ZC3H7A: variants seen among roughly 807,000 people sequenced by gnomAD.
The protein encoded by ZC3H7A is zinc finger CCCH domain-containing protein 7A.
ZC3H7A carries 44 observed loss-of-function variants against 125.5 expected under a neutral mutation model. The ratio of observed to expected loss-of-function variants is 0.35; its 90% CI spans 0.28 to 0.45. ZC3H7A has a LOEUF of 0.45. ZC3H7A is among the 20% of genes least tolerant of loss of function. The pLI is 1.00. For missense variants in ZC3H7A, 977 were observed against 1,170.7 expected (o/e 0.83, Z 2.41); for synonymous variants, 399 against 391.2 (o/e 1.02, Z -0.23).
chr16:11,785,957 T>C (rs1006601632), intron 1 of ZC3H7A, among the ~76,000 whole-genome samples: 19 of 152,078 alleles, frequency 1.2e-4, no homozygotes, highest in African/African-American at 4.1e-4. Context: ...GGTATATATA[T>C]TGACATATGC....
Position 11,765,424 on chromosome 16 carries a change from C to A in ZC3H7A, c.1719+65G>T, listed in dbSNP as rs922974415. ...ACCAAGTGAATGTTTTATCACATGG[C>A]AGGACAATACCACTGGGCTTGCAAA... On this transcript the variant is annotated intron_variant, in intron 14 of 22. Transcript: ENST00000355758. This position sits in a 1 kb window ranked among gnomAD's most constrained non-coding sequence, Gnocchi z 4.8. The A allele has an allele frequency of 2.3e-5, 28 of 1,218,958 alleles. No individual in the cohort carries two copies. Among genetic ancestry groups the A allele is most frequent in the Non-Finnish European group, 3.2e-5 (28 of 871,238 alleles). 75.5% of individuals were successfully genotyped at this position (1,218,958 alleles called of 1,614,324 possible). A position where few individuals can be genotyped will look rare whatever the true frequency, so the allele number is the denominator to read the frequency against.
intron 15 of ZC3H7A, 51 bp from the exon 16 acceptor site, chr16:11,763,710 A>AATATATATATAT (rs55932357): frequency 3.6e-5 from 8 of 225,064 alleles, no homozygotes; most frequent in South Asian, 6.3e-5. Context: ...AGATTTTTCA[A>AATATATATATAT]ATATATATAT....
chr16:11,773,160 G>A (rs2053016863), intron 9 of ZC3H7A, among the ~76,000 whole-genome samples: 1 of 151,906 alleles, frequency 6.6e-6, no homozygotes, highest in Non-Finnish European at 1.5e-5. Context: ...TACGGACCCA[G>A]AAATTGGAAT....
chr16:11,778,145 A>G (rs2053113676), intron 4 of ZC3H7A, among the ~76,000 whole-genome samples: 1 of 150,820 alleles, frequency 6.6e-6, no homozygotes, highest in African/African-American at 2.4e-5. Flanking sequence ...TCTTGATTTA[A>G]AAAAACACTC....
chr16:11,781,512 G>T (rs370615804), intron 2 of ZC3H7A, 48 bp from the exon 3 acceptor site: 596 of 1,590,090 alleles, frequency 3.7e-4, no homozygotes, highest in Non-Finnish European at 4.7e-4. Flanking sequence ...TCCTTATCGG[G>T]ACCTGTTCAG....
chr16:11,790,343 T>C (rs1297774345), intron 1 of ZC3H7A, among the ~76,000 whole-genome samples: 1 of 152,228 alleles, frequency 6.6e-6, no homozygotes, highest in Non-Finnish European at 1.5e-5. Context: ...TTAAGAATCA[T>C]CTGTACTTCC....
chr16:11,757,483 CAAAAAAAAAA>C (rs61471026), intron 20 of ZC3H7A, among the ~76,000 whole-genome samples: 14 of 40,980 alleles, frequency 3.4e-4, no homozygotes, highest in Admixed American at 6.3e-4. Flanking sequence ...GACTCTGTCT[CAAAAAAAAAA>C]AAAAAAAAAA....
intron 9 of ZC3H7A, among the ~76,000 whole-genome samples, chr16:11,772,824 G>C (rs1178180565): frequency 6.6e-6 from 1 of 151,406 alleles, no homozygotes; most frequent in African/African-American, 2.4e-5. Flanking sequence ...AGCCACCCAA[G>C]TAGCTGCGAT....
intron 1 of ZC3H7A, among the ~76,000 whole-genome samples, chr16:11,787,840 G>A (rs2053282319): frequency 6.6e-6 from 1 of 151,960 alleles, no homozygotes; most frequent in Non-Finnish European, 1.5e-5. Flanking sequence ...CAGCTACTCG[G>A]AAGGCTGAGG....
At chr16:11,782,482 G>T in intron 1 of ZC3H7A, 94 bp from the exon 2 acceptor site, 1 of 1,020,946 alleles carries the variant, frequency 9.8e-7, no homozygotes, top group Non-Finnish European at 1.5e-6. Context: ...CACACAATCA[G>T]CTGTGGACAC....
intron 9 of ZC3H7A, among the ~76,000 whole-genome samples, chr16:11,773,230 G>A (rs552488957): frequency 6.6e-6 from 1 of 151,854 alleles, no homozygotes; most frequent in African/African-American, 2.4e-5. Flanking sequence ...GCCCAGGCTA[G>A]AGTGCATGGC....
chr16:11,764,191 T>C (rs1596383264), intron 15 of ZC3H7A, among the ~76,000 whole-genome samples: 1 of 151,180 alleles, frequency 6.6e-6, no homozygotes, highest in African/African-American at 2.4e-5. Flanking sequence ...GACGGGTGGA[T>C]CACCTGAGGT....
chr16:11,795,236 G>C (rs11864383), intron 1 of ZC3H7A, among the ~76,000 whole-genome samples: 29,174 of 152,202 alleles, frequency 0.19, 3,621 homozygotes, highest in East Asian at 0.49. Flanking sequence ...CTCAGTATGA[G>C]AAGGAAGAGG....
chr16:11,751,071 A>C lies in ZC3H7A; in HGVS notation c.*246T>G. The C allele has an allele frequency of 2.6e-6, 1 of 389,434 alleles. No individual in the cohort carries two copies. The highest frequency in any genetic ancestry group is 4.6e-6 in the Non-Finnish European group (1 of 216,090). 24.1% of individuals were successfully genotyped at this position (389,434 alleles called of 1,614,324 possible). A position where few individuals can be genotyped will look rare whatever the true frequency, so the allele number is the denominator to read the frequency against. On this transcript the variant is annotated 3_prime_UTR_variant, in exon 23 of 23. Coordinates refer to ENST00000355758, the MANE Select transcript of ZC3H7A (RefSeq NM_014153.4). The stretch of plus-strand genomic sequence containing the variant: ...CCTCTTCCCCAACACACTTCATCCA[A>C]AAGTCTGTTCAACAGATGGCAACCG...
Position 11,774,339 on chromosome 16 carries a change from G to T in ZC3H7A, c.800C>A (p.Pro267His), listed in dbSNP as rs748324314. ...SAVLANGGKM[P>H]FTMPEAFLDD... ...TAGAAAAGCTTCTGGCATAGTGAAG[G>T]GCATCTTTCCTCCATTTGCCAGCAC... The change falls in exon 9 of 23, where the codon CCC becomes CAC. Residue 267 changes from proline (P) to histidine (H), a missense_variant. By Grantham distance (77) the Pro-to-His change is moderately conservative. Transcript: ENST00000355758. 6.2e-7 allele frequency: 1 copy of T among 1,613,934 alleles called. No individual in the cohort carries two copies.
chr16:11,751,483 T>G lies in ZC3H7A; in HGVS notation c.2750A>C (p.Glu917Ala), dbSNP rs775081772. ...ATGTGCAAATTTACAGCTGTTTCCT[T>G]CTGGGCAGGTGCCATTCATATACCT... is the stretch of plus-strand genomic sequence containing the variant. ...CDRYMNGTCPEGNSCKFAHGN... is the reference protein window; with the variant it reads ...CDRYMNGTCPAGNSCKFAHGN... The change falls in exon 23 of 23, where the codon GAA becomes GCA. Residue 917 changes from glutamate (E) to alanine (A), a missense_variant. This residue lies in a region of ZC3H7A where 436 missense variants were observed against 603.2 expected (regional missense o/e 0.72). Transcript: ENST00000355758. 6.2e-7 allele frequency: 1 copy of G among 1,614,154 alleles called. No individual in the cohort carries two copies. The highest frequency in any genetic ancestry group is 8.5e-7 in the Non-Finnish European group (1 of 1,180,030).
chr16:11,768,630 C>G, intron 11 of ZC3H7A, 129 bp from the exon 12 acceptor site: 9 of 774,196 alleles, frequency 1.2e-5, no homozygotes, highest in Non-Finnish European at 1.6e-5. Flanking sequence ...CTACTCCATC[C>G]TTAATGCTCT....
chr16:11,781,517 G>A, intron 2 of ZC3H7A, 53 bp from the exon 3 acceptor site: 1 of 1,582,872 alleles, frequency 6.3e-7, no homozygotes, highest in Non-Finnish European at 8.7e-7. Context: ...ATCGGGACCT[G>A]TTCAGCCAGA....
intron 1 of ZC3H7A, among the ~76,000 whole-genome samples, chr16:11,790,127 A>G (rs2053326038): frequency 6.6e-6 from 1 of 150,846 alleles, no homozygotes; most frequent in Non-Finnish European, 1.5e-5. Context: ...TAAAGGGCAT[A>G]TGTATTTGTT....
Sources: gnomAD v4.1 joint callset for allele counts (sites outside exome capture counted in the v4.1 genomes callset) on GRCh38, gnomAD v4.1.1 for gene constraint, gnomAD v4.1.1 regional missense constraint, Gnocchi (gnomAD v3.1) non-coding constraint, MANE v1.5 for transcripts, NCBI Gene and HGNC (gene_info 2026-07-23, HGNC 2026-07-21) for gene names.